The following GRM3 variants were observed in gnomAD, a reference collection of about 807,000 sequenced individuals.
GRM3 encodes the protein glutamate metabotropic receptor 3.
In GRM3, 26 loss-of-function variants were observed where a neutral mutation model predicts 70.5. The observed-to-expected ratio is 0.37, with a 90% CI of 0.27 to 0.51. The LOEUF (loss-of-function observed/expected upper bound fraction) is 0.51. Among genes scored for constraint, GRM3 ranks in the 20% least tolerant of loss-of-function variants. The probability of loss-of-function intolerance (pLI) is 0.93; values close to 1 mark genes in which losing one functional copy is unlikely to be tolerated. For missense variants in GRM3, 859 were observed against 1,123.8 expected, an observed-to-expected ratio of 0.76 and a Z score of 3.37; for synonymous variants, 443 against 434.9, an observed-to-expected ratio of 1.02 and a Z score of -0.23.
intron 2 of GRM3, among the ~76,000 whole-genome samples, chr7:86,767,540 T>C (rs868485907): frequency 9.2e-6 from 1 of 108,590 alleles, no homozygotes; most frequent in Non-Finnish European, 2.0e-5. Flanking sequence ...TATATATATA[T>C]ATATATATAT....
chr7:86,829,637 A>C (rs984860481), intron 3 of GRM3, among the ~76,000 whole-genome samples: 3 of 152,190 alleles, frequency 2.0e-5, no homozygotes, highest in East Asian at 3.8e-4. Context: ...GGGAATGGCC[A>C]GTCAGTGAAG....
chr7:86,740,553 C>G (rs1374538360), intron 1 of GRM3, among the ~76,000 whole-genome samples: 1 of 152,126 alleles, frequency 6.6e-6, no homozygotes, highest in Non-Finnish European at 1.5e-5. Context: ...TTTGCCAATT[C>G]AAAACCTAAT....
chr7:86,703,800 T>C (rs2116113973), intron 1 of GRM3, among the ~76,000 whole-genome samples: 1 of 152,062 alleles, frequency 6.6e-6, no homozygotes, highest in East Asian at 1.9e-4. Flanking sequence ...TCCCTTTTAA[T>C]TAAAGCAAAT....
At chr7:86,808,676 G>C (rs962279491) in intron 3 of GRM3, among the ~76,000 whole-genome samples, 4 of 152,012 alleles carry the variant, frequency 2.6e-5, no homozygotes, top group Non-Finnish European at 5.9e-5. Flanking sequence ...TTTATATAAT[G>C]TAATCAAAAG....
Position 86,796,137 on chromosome 7 carries a change from C to T in GRM3, c.1324+9021C>T, listed in dbSNP as rs148959020. ...ATGTTTTAATCATACAATCTTTGCT[C>T]ATGCCTATGTCCTGAATTGTATTAC... On this transcript the variant is annotated intron_variant, in intron 3 of 5. Coordinates refer to ENST00000361669, the MANE Select transcript of GRM3 (RefSeq NM_000840.3). Among the ~76,000 whole-genome samples the T allele has an allele frequency of 1.6e-3, 245 of 152,260 alleles. 2 individuals carry two copies. Among genetic ancestry groups the T allele is most frequent in the African/African-American group, 5.6e-3 (233 of 41,564 alleles).
intron 1 of GRM3, among the ~76,000 whole-genome samples, chr7:86,650,864 G>T (rs976814765): frequency 1.3e-5 from 2 of 152,122 alleles, no homozygotes; most frequent in African/African-American, 2.4e-5. Context: ...AGGAAAACAA[G>T]CTGGTAAAAA....
At chr7:86,837,008 T>C (rs780287772) in intron 3 of GRM3, among the ~76,000 whole-genome samples, 49 of 152,134 alleles carry the variant, frequency 3.2e-4, no homozygotes, top group South Asian at 8.3e-4. Context: ...CAAAGAGATA[T>C]ATGTGATGGG....
At chr7:86,702,544 G>A (rs973889959) in intron 1 of GRM3, among the ~76,000 whole-genome samples, 1 of 151,972 alleles carries the variant, frequency 6.6e-6, no homozygotes, top group African/African-American at 2.4e-5. Flanking sequence ...TTCTGGAAAA[G>A]ATCAGAAGTA....
chr7:86,724,701 C>G (rs1795551894), intron 1 of GRM3, among the ~76,000 whole-genome samples: 1 of 152,078 alleles, frequency 6.6e-6, no homozygotes. Flanking sequence ...GTCTGTGTTT[C>G]TAGCAAATCC....
At chr7:86,764,189 T>C (rs781738600) in intron 1 of GRM3, among the ~76,000 whole-genome samples, 2 of 152,072 alleles carry the variant, frequency 1.3e-5, no homozygotes, top group Middle Eastern at 3.4e-3. Context: ...TAAGTGGTAG[T>C]TGAAACTGAA....
intron 1 of GRM3, among the ~76,000 whole-genome samples, chr7:86,676,541 A>G (rs1794312687): frequency 6.6e-6 from 1 of 152,078 alleles, no homozygotes; most frequent in African/African-American, 2.4e-5. Flanking sequence ...TCTCATAAGT[A>G]TATTCTAATT....
At chr7:86,782,842 T>G (rs936362718) in intron 2 of GRM3, among the ~76,000 whole-genome samples, 9 of 152,216 alleles carry the variant, frequency 5.9e-5, no homozygotes, top group African/African-American at 2.2e-4. Context: ...AGTCTTAATT[T>G]ATGTGAAGCA....
intron 1 of GRM3, among the ~76,000 whole-genome samples, chr7:86,653,826 T>C (rs1793666497): frequency 6.6e-6 from 1 of 152,140 alleles, no homozygotes; most frequent in Admixed American, 6.6e-5. Context: ...GAAAGATAAG[T>C]TACTAGTGTT....
intron 3 of GRM3, among the ~76,000 whole-genome samples, chr7:86,814,584 A>T (rs1797979147): frequency 1.3e-5 from 2 of 151,778 alleles, no homozygotes; most frequent in Non-Finnish European, 2.9e-5. Context: ...GACTTTTTTA[A>T]ATGAGGCTTT....
chr7:86,656,260 C>CTTTTTTTTTTTTTTTT (rs1165969016), intron 1 of GRM3, among the ~76,000 whole-genome samples: 1 of 83,276 alleles, frequency 1.2e-5, no homozygotes, highest in African/African-American at 4.9e-5. Context: ...ATACTATGTT[C>CTTTTTTTTTTTTTTTT]TTTTTTTTTT....
At chr7:86,792,114 A>G (rs1432774221) in intron 3 of GRM3, among the ~76,000 whole-genome samples, 5 of 152,218 alleles carry the variant, frequency 3.3e-5, no homozygotes, top group Non-Finnish European at 5.9e-5. Flanking sequence ...ATCTAAAGAA[A>G]TGGAATATCA....
intron 1 of GRM3, among the ~76,000 whole-genome samples, chr7:86,672,369 G>A (rs529567407): frequency 1.6e-4 from 24 of 152,198 alleles, no homozygotes; most frequent in African/African-American, 5.5e-4. Context: ...AGAGATAAAT[G>A]GGCAATAAAA....
chr7:86,835,969 G>A (rs1427085137), intron 3 of GRM3, among the ~76,000 whole-genome samples: 1 of 152,082 alleles, frequency 6.6e-6, no homozygotes, highest in Non-Finnish European at 1.5e-5. Flanking sequence ...CGAAAAATGT[G>A]TGAACCAGAA....
intron 1 of GRM3, among the ~76,000 whole-genome samples, chr7:86,685,635 G>A (rs1794545644): frequency 6.6e-6 from 1 of 152,168 alleles, no homozygotes; most frequent in Non-Finnish European, 1.5e-5. Flanking sequence ...GGCCGGGCAC[G>A]GTGGCTCACG....
Sources: gnomAD v4.1 joint callset for allele counts (sites outside exome capture counted in the v4.1 genomes callset) on GRCh38, gnomAD v4.1.1 for gene constraint, MANE v1.5 for transcripts, NCBI Gene and HGNC (gene_info 2026-07-23, HGNC 2026-07-21) for gene names.